The following OGFOD3 variants were observed in gnomAD, a reference collection of about 807,000 sequenced individuals.
OGFOD3 encodes the protein 2-oxoglutarate and iron-dependent oxygenase domain-containing protein 3.
OGFOD3 carries 35 observed loss-of-function variants against 39.8 expected under a neutral mutation model. That is an observed-to-expected ratio of 0.88 (90% CI 0.67 to 1.17). The LOEUF (loss-of-function observed/expected upper bound fraction) is 1.17, where lower values mean the gene tolerates loss of function less well. Among genes scored for constraint, OGFOD3 ranks in the 50% most tolerant of loss-of-function variants. The pLI, the probability that OGFOD3 is intolerant of heterozygous loss-of-function variation, is 0.00. For missense variants in OGFOD3, 438 were observed against 454.5 expected, an observed-to-expected ratio of 0.96 and a Z score of 0.33; for synonymous variants, 200 against 192.0, an observed-to-expected ratio of 1.04 and a Z score of -0.34.
chr17:82,417,834 G>A (rs951856022), intron 1 of OGFOD3, among the ~76,000 whole-genome samples: 2 of 152,062 alleles, frequency 1.3e-5, no homozygotes, highest in Non-Finnish European at 2.9e-5. Flanking sequence ...GAGGGGAATT[G>A]GGCACTCCCC....
chr17:82,408,198 C>G (rs1047657044), intron 4 of OGFOD3, among the ~76,000 whole-genome samples: 2 of 152,064 alleles, frequency 1.3e-5, no homozygotes, highest in African/African-American at 2.4e-5. Flanking sequence ...AAAGAGTTTG[C>G]AGAAAAAAGT....
At chr17:82,397,385 G>C (rs994052197) in intron 8 of OGFOD3, among the ~76,000 whole-genome samples, 14 of 133,870 alleles carry the variant, frequency 1.0e-4, no homozygotes, top group African/African-American at 3.6e-4. Flanking sequence ...CAGTGCCCTG[G>C]GGACGGGTGA....
At chr17:82,397,458 T>G (rs2052694231) in intron 8 of OGFOD3, among the ~76,000 whole-genome samples, 1 of 124,616 alleles carries the variant, frequency 8.0e-6, no homozygotes, top group African/African-American at 3.0e-5. Context: ...GGGGGGTGGA[T>G]GGTGCTGGCA....
At chr17:82,414,494 C>T (rs1280199645) in intron 2 of OGFOD3, among the ~76,000 whole-genome samples, 1 of 152,112 alleles carries the variant, frequency 6.6e-6, no homozygotes, top group African/African-American at 2.4e-5. Context: ...ATTTCTGCTC[C>T]GTGCTAGCAT....
intron 2 of OGFOD3, among the ~76,000 whole-genome samples, chr17:82,412,439 TCGGGG>T (rs2052965103): frequency 6.3e-5 from 8 of 126,230 alleles, no homozygotes; most frequent in Admixed American, 7.9e-5. Flanking sequence ...GGCATGGTTA[TCGGGG>T]CAGGGGCATG....
At chr17:82,411,228 G>A (rs1053046608) in intron 3 of OGFOD3, among the ~76,000 whole-genome samples, 1 of 150,292 alleles carries the variant, frequency 6.7e-6, no homozygotes, top group Non-Finnish European at 1.5e-5. Flanking sequence ...TTGTATTTTA[G>A]TAGAGACAGG....
At chr17:82,413,893 GAAGA>G (rs1039698841) in intron 2 of OGFOD3, among the ~76,000 whole-genome samples, 2 of 139,342 alleles carry the variant, frequency 1.4e-5, no homozygotes, top group African/African-American at 5.1e-5. Context: ...AAAAAAAAAA[GAAGA>G]AAGAAAGAAA....
rs1242329289 is a variant in OGFOD3, at chr17:82,392,336, G to A, written c.*62C>T. 6.4e-6 allele frequency: 10 copies of A among 1,560,418 alleles called. No individual in the cohort carries two copies. Among genetic ancestry groups the A allele is most frequent in the South Asian group, 1.2e-5 (1 of 84,664 alleles). On this transcript the variant is annotated 3_prime_UTR_variant, in exon 9 of 9. Transcript: ENST00000313056. The surrounding 1 kb of genome is among the most constrained non-coding windows in gnomAD (Gnocchi z 4.2). ...GGAGCGGGTGGACGTGGGGGTGGGT[G>A]CACGACTGGCGCGGCTGCCTCCACA...
intron 7 of OGFOD3, among the ~76,000 whole-genome samples, chr17:82,401,591 G>C (rs1032407641): frequency 1.3e-5 from 2 of 151,336 alleles, no homozygotes; most frequent in African/African-American, 4.9e-5. Context: ...ATCACCTGAG[G>C]TCAGGAGTTC....
chr17:82,415,442 T>C lies in OGFOD3; in HGVS notation c.260A>G (p.Glu87Gly), dbSNP rs1483591121. ...GTCGTAGTCCTCAGAGCAGGGCACC[T>C]CGATGAATCTCCCTGCCACGACCTC... ...RGEVVAGRFI[E>G]VPCSEDYDSH... The change falls in exon 2 of 9, where the codon GAG (glutamate) becomes GGG (glycine). Residue 87 changes from glutamate (E) to glycine (G), a missense_variant. By Grantham distance (98) the Glu-to-Gly change is moderately conservative. Coordinates refer to ENST00000313056, the MANE Select transcript of OGFOD3 (RefSeq NM_024648.3). The surrounding 1 kb of genome is among the most constrained non-coding windows in gnomAD (Gnocchi z 5.3). 6.2e-7 allele frequency: 1 copy of C among 1,613,924 alleles called. No homozygotes were observed. The highest frequency in any genetic ancestry group is 2.2e-5 in the East Asian group (1 of 44,888).
At chr17:82,395,141 C>T (rs2143185544) in intron 8 of OGFOD3, among the ~76,000 whole-genome samples, 1 of 152,324 alleles carries the variant, frequency 6.6e-6, no homozygotes, top group Middle Eastern at 3.4e-3. Context: ...AAGCAATCCT[C>T]CCATCTCAGC....
chr17:82,407,672 C>A (rs940242392), intron 4 of OGFOD3, among the ~76,000 whole-genome samples: 1 of 152,216 alleles, frequency 6.6e-6, no homozygotes, highest in Non-Finnish European at 1.5e-5. Flanking sequence ...ACTGGCCCTG[C>A]GGCACTAACC....
chr17:82,405,253 C>T, intron 6 of OGFOD3, 71 bp downstream of exon 6: 2 of 1,381,476 alleles, frequency 1.4e-6, no homozygotes, highest in Non-Finnish European at 2.1e-6. Flanking sequence ...CCCGGACCGG[C>T]CAGCTCTGCC....
chr17:82,411,581 T>G, intron 2 of OGFOD3, 51 bp from the exon 3 acceptor site: 1 of 1,507,238 alleles, frequency 6.6e-7, no homozygotes, highest in Non-Finnish European at 9.2e-7. Context: ...CACCGGCGCA[T>G]GCCCTTCCAG....
intron 4 of OGFOD3, among the ~76,000 whole-genome samples, chr17:82,408,405 G>A (rs2052889529): frequency 6.6e-6 from 1 of 152,206 alleles, no homozygotes; most frequent in African/African-American, 2.4e-5. Context: ...GAAACCGCAT[G>A]GGAATTGGAG....
chr17:82,401,518 C>T (rs1208977012), intron 7 of OGFOD3: 1 of 151,840 alleles, frequency 6.6e-6, no homozygotes, highest in Non-Finnish European at 1.5e-5. Flanking sequence ...ACTGCAATCT[C>T]TCTCTCCTTC....
At chr17:82,408,709 T>C (rs1043162391) in intron 4 of OGFOD3, among the ~76,000 whole-genome samples, 2 of 151,980 alleles carry the variant, frequency 1.3e-5, no homozygotes, top group East Asian at 3.9e-4. Flanking sequence ...CTCTCAAATC[T>C]CCCCCTGCCT....
At position 82,403,861 on chromosome 17, in the gene OGFOD3, C is replaced by T; in HGVS notation, c.699+76G>A. 9.3e-6 allele frequency: 14 copies of T among 1,511,102 alleles called. No individual in the cohort carries two copies. In the Middle Eastern group the frequency reaches 6.8e-4, roughly 73 times the overall value. The allele number at this position is 1,511,102 out of a possible 1,614,324, so 93.6% of individuals were successfully genotyped here. The stretch of plus-strand genomic sequence containing the variant: ...TCCACGAGCGCGCTCACCCTGCCCA[C>T]GTGCGCACTCACCGTGCCCACGGGC... On this transcript the variant is annotated intron_variant, in intron 7 of 8. Coordinates refer to ENST00000313056, the MANE Select transcript of OGFOD3 (RefSeq NM_024648.3).
chr17:82,413,412 C>G lies in OGFOD3; in HGVS notation c.305-1882G>C, dbSNP rs530829922. Among the ~76,000 whole-genome samples, 6 of 152,286 alleles carry G rather than the reference C, an allele frequency of 3.9e-5. No homozygotes were observed. The South Asian group carries it at 1.2e-3, about 32-fold the overall frequency. ...TCAGTGGAGGTTCTGACGCCCCTTT[C>G]CATAGCCGGTGGGTGAAGGAGACAG... On this transcript the variant is annotated intron_variant, in intron 2 of 8. Coordinates refer to ENST00000313056, the MANE Select transcript of OGFOD3 (RefSeq NM_024648.3).
Sources: gnomAD v4.1 joint callset for allele counts (sites outside exome capture counted in the v4.1 genomes callset) on GRCh38, gnomAD v4.1.1 for gene constraint, Gnocchi (gnomAD v3.1) non-coding constraint, MANE v1.5 for transcripts, NCBI Gene and HGNC (gene_info 2026-07-23, HGNC 2026-07-21) for gene names.